The following SCHIP1 variants were observed in gnomAD, a reference collection of about 807,000 sequenced individuals.
SCHIP1 encodes the protein schwannomin interacting protein 1.
SCHIP1 carries 8 observed loss-of-function variants against 29.7 expected under a neutral mutation model. That is an observed-to-expected ratio of 0.27 (90% CI 0.16 to 0.49). SCHIP1 has a LOEUF of 0.49. SCHIP1 is among the 20% of genes least tolerant of loss of function. SCHIP1 has a pLI of 0.99. For synonymous variants in SCHIP1, 76 were observed against 94.9 expected (o/e 0.80, Z 1.16); for missense variants, 193 against 294.6 (o/e 0.66, Z 2.52).
the SCHIP1 span, among the ~76,000 whole-genome samples, chr3:159,762,789 T>G: frequency 6.6e-6 from 1 of 152,232 alleles, no homozygotes; most frequent in Non-Finnish European, 1.5e-5. Flanking sequence ...GCTGCCAGAC[T>G]CAGGCAGCCC....
the SCHIP1 span, among the ~76,000 whole-genome samples, chr3:159,637,810 T>C: frequency 1.3e-5 from 2 of 152,212 alleles, no homozygotes; most frequent in Non-Finnish European, 2.9e-5. Context: ...CTTGGGAAAA[T>C]GCCAGCATTG....
chr3:159,667,819 A>G, the SCHIP1 span, among the ~76,000 whole-genome samples: 7 of 152,244 alleles, frequency 4.6e-5, no homozygotes, highest in Non-Finnish European at 1.0e-4. Flanking sequence ...CCCAGTACAC[A>G]AGTACACATA....
At chr3:159,374,120 T>A in the SCHIP1 span, among the ~76,000 whole-genome samples, 30,952 of 152,138 alleles carry the variant, frequency 0.2, 4,451 homozygotes, top group African/African-American at 0.4. Flanking sequence ...TACACATTTT[T>A]AAAAATTTTT....
the SCHIP1 span, among the ~76,000 whole-genome samples, chr3:159,755,956 C>A: frequency 6.6e-6 from 1 of 152,268 alleles, no homozygotes; most frequent in Admixed American, 6.5e-5. Flanking sequence ...CTGGGCAGCT[C>A]TGCTTCTGTG....
the SCHIP1 span, among the ~76,000 whole-genome samples, chr3:159,554,770 G>T: frequency 6.6e-6 from 1 of 151,820 alleles, no homozygotes; most frequent in African/African-American, 2.4e-5. Flanking sequence ...CTCATCTCTG[G>T]GCTGCCTTGT....
At chr3:159,273,716 C>G in the SCHIP1 span, 1 of 1,516,876 alleles carries the variant, frequency 6.6e-7, no homozygotes, top group Non-Finnish European at 8.8e-7. Flanking sequence ...ATTTTTTAGA[C>G]AACCTTACTA....
the SCHIP1 span, among the ~76,000 whole-genome samples, chr3:159,662,674 A>C: frequency 2.6e-5 from 4 of 152,232 alleles, no homozygotes; most frequent in African/African-American, 7.2e-5. Context: ...AAAGGGGTAT[A>C]TAATCAAAAT....
the SCHIP1 span, among the ~76,000 whole-genome samples, chr3:159,496,323 C>A: frequency 1.3e-5 from 2 of 152,254 alleles, no homozygotes; most frequent in East Asian, 3.9e-4. Flanking sequence ...AGGCAACCTA[C>A]GAAATGGGAG....
At chr3:159,619,852 G>T in the SCHIP1 span, among the ~76,000 whole-genome samples, 1 of 152,110 alleles carries the variant, frequency 6.6e-6, no homozygotes, top group Non-Finnish European at 1.5e-5. Context: ...TCTAGTGCTT[G>T]GTATTTGCCT....
the SCHIP1 span, chr3:159,764,436 C>G: frequency 1.3e-3 from 2,068 of 1,579,714 alleles, 6 homozygotes; most frequent in Non-Finnish European, 1.3e-3. This position sits in a 1 kb window ranked among gnomAD's most constrained non-coding sequence, Gnocchi z 6.1. Flanking sequence ...CTACCTCCTC[C>G]CCCTAGGATT....
intron 6 of SCHIP1, 181 bp downstream of exon 7, chr3:159,892,371 G>T: frequency 6.0e-6 from 4 of 667,690 alleles, no homozygotes; most frequent in Non-Finnish European, 1.0e-5. Flanking sequence ...CTTACCAAAT[G>T]CATGCTTTTT....
At chr3:159,446,796 G>T in the SCHIP1 span, among the ~76,000 whole-genome samples, 3 of 152,048 alleles carry the variant, frequency 2.0e-5, no homozygotes, top group Non-Finnish European at 2.9e-5. Flanking sequence ...AAACCAAAAG[G>T]GTTGTTAACT....
chr3:159,517,344 A>G, the SCHIP1 span, among the ~76,000 whole-genome samples: 5 of 152,140 alleles, frequency 3.3e-5, no homozygotes. Context: ...GTGTTTCCAA[A>G]TCTCTGGCCT....
At chr3:159,638,283 C>T in the SCHIP1 span, among the ~76,000 whole-genome samples, 1 of 152,206 alleles carries the variant, frequency 6.6e-6, no homozygotes, top group Admixed American at 6.5e-5. Context: ...ACAAGATTTT[C>T]ATTTCATGCT....
At chr3:159,314,977 G>A in the SCHIP1 span, among the ~76,000 whole-genome samples, 1 of 152,134 alleles carries the variant, frequency 6.6e-6, no homozygotes, top group Non-Finnish European at 1.5e-5. Context: ...TCTAATAGAT[G>A]TCTTTTGTTG....
the SCHIP1 span, among the ~76,000 whole-genome samples, chr3:159,438,346 T>C: frequency 6.7e-3 from 1,021 of 152,178 alleles, 6 homozygotes; most frequent in Non-Finnish European, 0.012. Context: ...CTAGAAGGAC[T>C]AAGATCACCT....
the SCHIP1 span, among the ~76,000 whole-genome samples, chr3:159,725,091 A>G: frequency 6.6e-6 from 1 of 152,264 alleles, no homozygotes; most frequent in East Asian, 1.9e-4. Context: ...TAACACAACA[A>G]ACTTGATTGC....
chr3:159,603,037 G>A, the SCHIP1 span, among the ~76,000 whole-genome samples: 2 of 152,114 alleles, frequency 1.3e-5, no homozygotes, highest in Non-Finnish European at 2.9e-5. Context: ...TTTTACCTGT[G>A]CTTCTGACTG....
At chr3:159,611,871 A>T in the SCHIP1 span, among the ~76,000 whole-genome samples, 2 of 150,892 alleles carry the variant, frequency 1.3e-5, no homozygotes, top group Admixed American at 6.6e-5. Context: ...AGTGTCATTC[A>T]CTCCACTCCT....
Sources: allele counts gnomAD v4.1 joint callset (sites outside exome capture counted in the v4.1 genomes callset), GRCh38; gene constraint gnomAD v4.1.1; non-coding constraint Gnocchi (gnomAD v3.1); transcripts MANE v1.5; gene names NCBI Gene and HGNC (gene_info 2026-07-23, HGNC 2026-07-21).